Variants in SLC25A21 observed in about 807,000 individuals in gnomAD.
SLC25A21 encodes the protein mitochondrial 2-oxodicarboxylate carrier.
SLC25A21 carries 47 observed loss-of-function variants against 43.8 expected under a neutral mutation model. That is an observed-to-expected ratio of 1.07 (90% CI 0.85 to 1.37). The LOEUF (loss-of-function observed/expected upper bound fraction) is 1.37. SLC25A21 is among the 40% of genes most tolerant of loss of function. The pLI, the probability that SLC25A21 is intolerant of heterozygous loss-of-function variation, is 0.00. For synonymous variants in SLC25A21, 131 were observed against 121.3 expected (o/e 1.08, Z -0.52); for missense variants, 352 against 350.2 (o/e 1.00, Z -0.04).
At position 36,711,449 on chromosome 14, in the gene SLC25A21, T is replaced by C; in HGVS notation, c.472A>G (p.Ile158Val). 1 of 1,614,110 alleles carries C rather than the reference T, an allele frequency of 6.2e-7. No homozygotes were observed. The highest frequency in any genetic ancestry group is 8.5e-7 in the Non-Finnish European group (1 of 1,180,014). The change falls in exon 7 of 10, where the codon ATT (isoleucine) becomes GTT (valine). Residue 158 changes from isoleucine (I) to valine (V), a missense_variant. Ile to Val is a conservative substitution (Grantham distance 29, BLOSUM62 3). Transcript: ENST00000331299. Reference protein sequence around the residue: ...PSTVGYARQIIKKEGWGLQGL... With the variant: ...PSTVGYARQIVKKEGWGLQGL... Reference sequence around the variant, plus strand: ...TGGAGTCCCCAGCCTTCCTTCTTAATGATTTGTCTTGCATAACCCACAGTG... The same window carrying C: ...TGGAGTCCCCAGCCTTCCTTCTTAACGATTTGTCTTGCATAACCCACAGTG...
intron 1 of SLC25A21, among the ~76,000 whole-genome samples, chr14:37,044,758 A>G (rs1961552115): frequency 6.6e-6 from 1 of 152,190 alleles, no homozygotes; most frequent in Non-Finnish European, 1.5e-5. Context: ...CATAATGAAG[A>G]ATATTCTCCT....
chr14:36,702,943 T>C (rs781336430), intron 7 of SLC25A21, among the ~76,000 whole-genome samples: 24 of 152,144 alleles, frequency 1.6e-4, no homozygotes, highest in Non-Finnish European at 2.9e-4. Flanking sequence ...ATATCCCCAC[T>C]AGGGAGTCTG....
chr14:36,867,790 CGTGTGTGTGT>C (rs10606711), intron 2 of SLC25A21, among the ~76,000 whole-genome samples: 8 of 146,128 alleles, frequency 5.5e-5, no homozygotes, highest in Admixed American at 2.1e-4. Context: ...ACCATGCTTT[CGTGTGTGTGT>C]GTGTGTGTGT....
chr14:37,025,979 A>T (rs1372547568), intron 1 of SLC25A21, among the ~76,000 whole-genome samples: 1 of 152,114 alleles, frequency 6.6e-6, no homozygotes, highest in African/African-American at 2.4e-5. Context: ...ACTTATTTAC[A>T]CTTTACGATG....
At chr14:37,153,092 C>G (rs895477017) in intron 1 of SLC25A21, among the ~76,000 whole-genome samples, 1 of 152,108 alleles carries the variant, frequency 6.6e-6, no homozygotes, top group African/African-American at 2.4e-5. Context: ...ACATCCCCAC[C>G]ATCAGATCAT....
Position 36,948,007 on chromosome 14 carries a change from C to T in SLC25A21, c.71-73003G>A, listed in dbSNP as rs139497451. 8.3e-4 allele frequency among the ~76,000 whole-genome samples: 127 copies of T among 152,186 alleles called. 1 individual carries two copies. The highest frequency in any genetic ancestry group is 2.9e-3 in the African/African-American group (120 of 41,528). The stretch of plus-strand genomic sequence containing the variant: ...CTTGAAGAAGGGACCATCATTATTC[C>T]AAAGTATGAATATTTTATAACAGCA... On this transcript the variant is annotated intron_variant, in intron 1 of 9. Transcript: ENST00000331299.
At position 36,680,063 on chromosome 14, in the gene SLC25A21, T is replaced by C. The variant is rs1017836521; in HGVS notation, c.*595A>G. On this transcript the variant is annotated 3_prime_UTR_variant, in exon 10 of 10. Coordinates refer to ENST00000331299, the MANE Select transcript of SLC25A21 (RefSeq NM_030631.4). ...TAGGAAAATAGAGCTGATATGTGCA[T>C]AGTTACTAAAAAAAACCAACAGATT... 5 of 862,698 alleles carry C rather than the reference T, an allele frequency of 5.8e-6. No homozygotes were observed. The African/African-American group carries it at 9.2e-5, about 16-fold the overall frequency. 53.4% of individuals were successfully genotyped at this position (862,698 alleles called of 1,614,324 possible).
At chr14:37,108,704 A>AGAGTGT (rs989051076) in intron 1 of SLC25A21, among the ~76,000 whole-genome samples, 2 of 149,240 alleles carry the variant, frequency 1.3e-5, no homozygotes, top group Admixed American at 6.7e-5. Context: ...AGTTTTGTTA[A>AGAGTGT]GTGTGTGTGT....
At chr14:36,714,918 A>G (rs1010769163) in intron 6 of SLC25A21, among the ~76,000 whole-genome samples, 65 of 152,320 alleles carry the variant, frequency 4.3e-4, no homozygotes, top group Admixed American at 1.9e-3. Flanking sequence ...ATCCTAACAT[A>G]TCTGATTGCT....
intron 3 of SLC25A21, 78 bp from the exon 4 acceptor site, chr14:36,734,651 A>G: frequency 1.8e-6 from 2 of 1,089,018 alleles, no homozygotes; most frequent in South Asian, 2.7e-5. Flanking sequence ...AGATAATCCT[A>G]AAGTATTCCC....
chr14:36,924,476 T>G (rs367703732), intron 1 of SLC25A21, among the ~76,000 whole-genome samples: 1 of 150,436 alleles, frequency 6.6e-6, no homozygotes, highest in African/African-American at 2.5e-5. Context: ...AATTGAACAA[T>G]AAGAACATTT....
At chr14:37,033,837 A>G (rs1961270244) in intron 1 of SLC25A21, among the ~76,000 whole-genome samples, 1 of 152,190 alleles carries the variant, frequency 6.6e-6, no homozygotes, top group South Asian at 2.1e-4. Flanking sequence ...AATAAAAATA[A>G]CATTTACATC....
intron 1 of SLC25A21, among the ~76,000 whole-genome samples, chr14:37,066,085 A>G (rs1962054996): frequency 6.6e-6 from 1 of 152,172 alleles, no homozygotes; most frequent in Non-Finnish European, 1.5e-5. Flanking sequence ...AAAAGAAATT[A>G]GATGGTGGAG....
intron 3 of SLC25A21, among the ~76,000 whole-genome samples, chr14:36,769,404 T>G (rs730644): frequency 0.045 from 6,816 of 152,302 alleles, 506 homozygotes; most frequent in African/African-American, 0.15. Flanking sequence ...AGTATTGCTG[T>G]TTTAAAAACT....
rs77249123 is a variant in SLC25A21 at position 36,914,329 on chromosome 14, C to G, written c.71-39325G>C. Among the ~76,000 whole-genome samples, 381 of 152,254 alleles carry G rather than the reference C, an allele frequency of 2.5e-3. 1 individual carries two copies. The highest frequency in any genetic ancestry group is 8.5e-3 in the African/African-American group (355 of 41,556). On this transcript the variant is annotated intron_variant, in intron 1 of 9. Transcript: ENST00000331299. ...AACATTTTCCAGTACTACCCAGTGA[C>G]AGAAAACATTGGTAAGGTAAACTCT...
intron 1 of SLC25A21, among the ~76,000 whole-genome samples, chr14:36,894,265 A>G (rs938614685): frequency 2.0e-5 from 3 of 152,156 alleles, no homozygotes; most frequent in African/African-American, 7.2e-5. Flanking sequence ...ATCCCTTGTA[A>G]GTTGGATTTC....
At chr14:37,145,537 G>A (rs1963650578) in intron 1 of SLC25A21, among the ~76,000 whole-genome samples, 1 of 151,644 alleles carries the variant, frequency 6.6e-6, no homozygotes, top group Non-Finnish European at 1.5e-5. Context: ...GACTAGAACA[G>A]AAAATTAAGA....
At chr14:37,140,396 T>C (rs2138918594) in intron 1 of SLC25A21, among the ~76,000 whole-genome samples, 1 of 152,322 alleles carries the variant, frequency 6.6e-6, no homozygotes, top group East Asian at 1.9e-4. Flanking sequence ...AATGCATGAA[T>C]GACTTGATGA....
At chr14:36,916,821 A>G (rs1260323155) in intron 1 of SLC25A21, among the ~76,000 whole-genome samples, 1 of 152,058 alleles carries the variant, frequency 6.6e-6, no homozygotes, top group Admixed American at 6.6e-5. Flanking sequence ...TTATATGGGC[A>G]CCTGGATCTC....
Sources: gnomAD v4.1 joint callset for allele counts (sites outside exome capture counted in the v4.1 genomes callset) on GRCh38, gnomAD v4.1.1 for gene constraint, MANE v1.5 for transcripts, NCBI Gene and HGNC (gene_info 2026-07-23, HGNC 2026-07-21) for gene names.